The following WDFY4 variants were observed in gnomAD, a reference collection of about 807,000 sequenced individuals.
WDFY4 encodes WDFY family member 4, also known as WD repeat- and FYVE domain-containing protein 4.
Under a neutral mutation model 351.9 loss-of-function variants are expected in WDFY4, and 169 were observed. The ratio of observed to expected loss-of-function variants is 0.48; its 90% confidence interval spans 0.42 to 0.55. WDFY4 has a LOEUF of 0.55. Ranked by LOEUF, WDFY4 falls within the 20% of genes least tolerant of loss-of-function variation. WDFY4 has a pLI of 0.00. For missense variants in WDFY4, 3,803 were observed against 3,935.6 expected (o/e 0.97, Z 0.90); for synonymous variants, 1,622 against 1,574.6 (o/e 1.03, Z -0.71).
intron 40 of WDFY4, among the ~76,000 whole-genome samples, chr10:48,872,418 G>A (rs1343501445): frequency 6.6e-6 from 1 of 152,200 alleles, no homozygotes; most frequent in Admixed American, 6.5e-5. Context: ...TCATCATGGG[G>A]ATGATCGAAA....
At chr10:48,695,435 T>C (rs1447728582) in intron 1 of WDFY4, among the ~76,000 whole-genome samples, 1 of 152,226 alleles carries the variant, frequency 6.6e-6, no homozygotes, top group Non-Finnish European at 1.5e-5. Context: ...CCTTGAGTGC[T>C]GGAAGAGGGA....
intron 35 of WDFY4, among the ~76,000 whole-genome samples, chr10:48,825,994 A>G (rs1254266242): frequency 6.6e-6 from 1 of 152,044 alleles, no homozygotes; most frequent in East Asian, 1.9e-4. Context: ...CTTTTGTTGC[A>G]ACTGCTTTTG....
intron 13 of WDFY4, among the ~76,000 whole-genome samples, chr10:48,770,955 C>T (rs1307142443): frequency 1.3e-5 from 2 of 152,194 alleles, no homozygotes; most frequent in Admixed American, 1.3e-4. Context: ...GGAAGGATGT[C>T]CCCCTGGAAA....
chr10:48,928,528 C>T (rs1006589087), intron 47 of WDFY4, among the ~76,000 whole-genome samples: 3 of 152,098 alleles, frequency 2.0e-5, no homozygotes, highest in African/African-American at 7.2e-5. Context: ...CCTTATGGAC[C>T]GTGACCCCTG....
intron 38 of WDFY4, 120 bp from the exon 39 acceptor site, chr10:48,832,453 T>G (rs1298128703): frequency 1.6e-6 from 2 of 1,243,148 alleles, no homozygotes; most frequent in Admixed American, 6.6e-5. Context: ...GTTGTTTCTC[T>G]TTTTGGAGGC....
At chr10:48,836,758 G>A (rs1424161650) in intron 39 of WDFY4, among the ~76,000 whole-genome samples, 1 of 152,206 alleles carries the variant, frequency 6.6e-6, no homozygotes, top group African/African-American at 2.4e-5. Context: ...AAGGCTGTGA[G>A]TGTCAGCTTG....
At chr10:48,873,990 A>G (rs2069891773) in intron 41 of WDFY4, among the ~76,000 whole-genome samples, 1 of 152,226 alleles carries the variant, frequency 6.6e-6, no homozygotes, top group South Asian at 2.1e-4. Flanking sequence ...CCTGTGCTGC[A>G]GTCCACACAA....
intron 9 of WDFY4, among the ~76,000 whole-genome samples, chr10:48,733,291 C>T (rs929382507): frequency 1.3e-5 from 2 of 151,176 alleles, no homozygotes; most frequent in Non-Finnish European, 2.9e-5. Flanking sequence ...GGTTTATAAA[C>T]TCTATTTTCA....
chr10:48,952,419 A>T (rs1027956401), intron 51 of WDFY4, among the ~76,000 whole-genome samples: 1 of 152,198 alleles, frequency 6.6e-6, no homozygotes, highest in Non-Finnish European at 1.5e-5. Context: ...GAGGAGAATC[A>T]TTCAGGATCT....
At position 48,746,472 on chromosome 10, in the gene WDFY4, A is replaced by G. The variant is rs112680085; in HGVS notation, c.2459+2924A>G. Among the ~76,000 whole-genome samples, 134 of 152,202 alleles carry G rather than the reference A, an allele frequency of 8.8e-4. 1 individual carries two copies. The highest frequency in any genetic ancestry group is 3.1e-3 in the African/African-American group (128 of 41,550). On this transcript the variant is annotated intron_variant, in intron 12 of 61. Transcript: ENST00000325239. ...TTTTTAGGTGTTTTTCTTGTAAACAATAAGGAACCACTTTTGTTGGTTTTA... is the reference window on the plus strand; with the variant it reads ...TTTTTAGGTGTTTTTCTTGTAAACAGTAAGGAACCACTTTTGTTGGTTTTA...
chr10:48,855,285 G>A (rs2069097783), intron 39 of WDFY4, among the ~76,000 whole-genome samples: 2 of 152,096 alleles, frequency 1.3e-5, no homozygotes, highest in South Asian at 4.1e-4. Context: ...TACCCCAGTA[G>A]CATCCCTGAC....
intron 18 of WDFY4, 131 bp downstream of exon 18, chr10:48,778,963 C>T: frequency 2.9e-6 from 3 of 1,029,924 alleles, no homozygotes; most frequent in Non-Finnish European, 4.2e-6. Context: ...GAAATTGCTC[C>T]CTTGGGTTCC....
intron 12 of WDFY4, among the ~76,000 whole-genome samples, chr10:48,744,283 G>GT (rs1288417041): frequency 2.0e-5 from 3 of 152,168 alleles, no homozygotes; most frequent in African/African-American, 7.2e-5. Context: ...TAATACTGCA[G>GT]TAAGTTATCC....
At position 48,836,506 on chromosome 10, in the gene WDFY4, T is replaced by C. The variant is rs1207180440; in HGVS notation, c.6663+3797T>C. Among the ~76,000 whole-genome samples, 4 of 152,226 alleles carry C rather than the reference T, an allele frequency of 2.6e-5. No homozygotes were observed. In the East Asian group the frequency reaches 7.7e-4, roughly 29 times the overall value. On this transcript the variant is annotated intron_variant, in intron 39 of 61. Coordinates refer to ENST00000325239, the MANE Select transcript of WDFY4 (RefSeq NM_001394531.1). ...ATTATTCATTTGGTGTTATTCCTTA[T>C]CATGTCAGCAGCTGATAGCCCTATA...
chr10:48,693,775 A>G (rs1161603863), intron 1 of WDFY4, among the ~76,000 whole-genome samples: 1 of 151,166 alleles, frequency 6.6e-6, no homozygotes, highest in Non-Finnish European at 1.5e-5. Context: ...CTCTTCTCTT[A>G]GGTGAAAAGC....
chr10:48,933,133 A>G (rs1323452605), intron 47 of WDFY4, among the ~76,000 whole-genome samples: 1 of 152,182 alleles, frequency 6.6e-6, no homozygotes, highest in African/African-American at 2.4e-5. Flanking sequence ...ATGTGGATCC[A>G]GGCTCTGTGG....
chr10:48,786,718 C>G lies in WDFY4; in HGVS notation c.3656C>G (p.Ala1219Gly). Residue 1219 changes from alanine to glycine, a missense_variant, in exon 20 of 62, where the codon GCT (alanine) becomes GGT (glycine). Physicochemically the swap from Ala to Gly is moderately conservative, Grantham distance 60. Around this residue, in one of 3 missense-constraint regions of WDFY4, gnomAD observed 3,054 missense variants for 3,148.6 expected, o/e 0.97. Coordinates refer to ENST00000325239, the MANE Select transcript of WDFY4 (RefSeq NM_001394531.1). ...TTTGTGGATGTTTATGGATATATTGCTACTCCTCGAGTCTGGAAACAAAAG... is the reference window on the plus strand; with the variant it reads ...TTTGTGGATGTTTATGGATATATTGGTACTCCTCGAGTCTGGAAACAAAAG... Reference protein sequence around the residue: ...SAFVDVYGYIATPRVWKQKSS... With the variant: ...SAFVDVYGYIGTPRVWKQKSS... The G allele has an allele frequency of 6.4e-7, 1 of 1,552,294 alleles. No homozygotes were observed. The highest frequency in any genetic ancestry group is 8.7e-7 in the Non-Finnish European group (1 of 1,147,122).
chr10:48,808,835 C>G (rs569370926), intron 28 of WDFY4, among the ~76,000 whole-genome samples: 2 of 152,222 alleles, frequency 1.3e-5, no homozygotes, highest in Non-Finnish European at 2.9e-5. Context: ...TCTATACCTT[C>G]CGGGTTCGAA....
At chr10:48,830,549 G>T in intron 37 of WDFY4, 151 bp from the exon 38 acceptor site, 1 of 847,010 alleles carries the variant, frequency 1.2e-6, no homozygotes, top group Non-Finnish European at 1.8e-6. Flanking sequence ...AGTACTGATT[G>T]CTTCTCGCTG....
Sources: gnomAD v4.1 joint callset for allele counts (sites outside exome capture counted in the v4.1 genomes callset) on GRCh38, gnomAD v4.1.1 for gene constraint, gnomAD v4.1.1 regional missense constraint, MANE v1.5 for transcripts, NCBI Gene and HGNC (gene_info 2026-07-23, HGNC 2026-07-21) for gene names.